The following AP2B1 variants were observed in gnomAD, a reference collection of about 807,000 sequenced individuals.
AP2B1 encodes the protein AP-2 complex subunit beta.
A neutral mutation model predicts 102.0 loss-of-function variants in AP2B1; 23 were observed. The ratio of observed to expected loss-of-function variants is 0.23; its 90% confidence interval spans 0.16 to 0.32. The LOEUF is 0.32. Among genes scored for constraint, AP2B1 ranks in the 10% least tolerant of loss-of-function variants. The probability of loss-of-function intolerance (pLI) is 1.00; values close to 1 mark genes in which losing one functional copy is unlikely to be tolerated. For missense variants in AP2B1, 541 were observed against 1,157.4 expected, an observed-to-expected ratio of 0.47 and a Z score of 7.73; for synonymous variants, 381 against 421.2, an observed-to-expected ratio of 0.90 and a Z score of 1.17.
chr17:35,696,413 C>CT (rs71366474), intron 18 of AP2B1, among the ~76,000 whole-genome samples: 63,893 of 131,270 alleles, frequency 0.49, 15,280 homozygotes, highest in Admixed American at 0.52. Context: ...GGAATAAGTT[C>CT]TTTTTTTTTT....
chr17:35,624,679 C>T (rs532913025), intron 6 of AP2B1, 92 bp downstream of exon 6: 1 of 1,234,822 alleles, frequency 8.1e-7, no homozygotes, highest in African/African-American at 1.5e-5. Context: ...TGAGGAAGGT[C>T]AGTGGCTTCT....
At chr17:35,678,408 G>A (rs1431417092) in intron 17 of AP2B1, among the ~76,000 whole-genome samples, 1 of 151,962 alleles carries the variant, frequency 6.6e-6, no homozygotes, top group East Asian at 1.9e-4. Context: ...GTACTAACAG[G>A]ACCTCCAGTA....
At chr17:35,646,675 G>A (rs1449843608) in intron 12 of AP2B1, among the ~76,000 whole-genome samples, 13 of 147,368 alleles carry the variant, frequency 8.8e-5, no homozygotes, top group Admixed American at 6.3e-4. Flanking sequence ...AGCCTCCTCC[G>A]CCTCCTGGGT....
chr17:35,594,794 T>A (rs886721425), intron 2 of AP2B1, among the ~76,000 whole-genome samples: 1 of 152,206 alleles, frequency 6.6e-6, no homozygotes, highest in Non-Finnish European at 1.5e-5. Context: ...ATATAATGCT[T>A]GTTTTTACCT....
chr17:35,705,577 A>G lies in AP2B1; in HGVS notation c.2455-3647A>G, dbSNP rs137939641. On this transcript the variant is annotated intron_variant, in intron 18 of 21. Transcript: ENST00000610402. ...TGCTCTGTTGCCCAGGCTGGAGTGC[A>G]GTGGTGCAATCTCAGCTCACTGCAG... 8.5e-3 allele frequency among the ~76,000 whole-genome samples: 1,287 copies of G among 152,130 alleles called. 11 individuals are homozygous for G. The highest frequency in any genetic ancestry group is 0.026 in the African/African-American group (1,064 of 41,466).
At chr17:35,682,664 AC>A (rs779015746) in intron 17 of AP2B1, 30 bp from the exon 18 acceptor site, 21 of 1,596,638 alleles carry the variant, frequency 1.3e-5, no homozygotes, top group Non-Finnish European at 1.6e-5. Context: ...CTCTTGATTA[AC>A]CTCTGTGATT....
intron 18 of AP2B1, among the ~76,000 whole-genome samples, chr17:35,699,515 A>G (rs1430108107): frequency 6.6e-6 from 1 of 152,204 alleles, no homozygotes; most frequent in Admixed American, 6.5e-5. Flanking sequence ...TATTGGGTGG[A>G]CTGAGAAAGA....
chr17:35,615,242 G>A lies in AP2B1; in HGVS notation c.525+6855G>A, dbSNP rs147325431. On this transcript the variant is annotated intron_variant, in intron 5 of 21. Transcript: ENST00000610402. Reference sequence around the variant, plus strand: ...AAGTTATTTAAAATGAACTTCAGTTGTCTTATATGTAAAACTGAGGTAATA... The same window carrying A: ...AAGTTATTTAAAATGAACTTCAGTTATCTTATATGTAAAACTGAGGTAATA... Among the ~76,000 whole-genome samples the A allele has an allele frequency of 2.2e-3, 338 of 152,318 alleles. 1 individual carries two copies. Among genetic ancestry groups the A allele is most frequent in the African/African-American group, 7.9e-3 (330 of 41,574 alleles).
intron 9 of AP2B1, among the ~76,000 whole-genome samples, chr17:35,629,995 T>A (rs1004928889): frequency 1.1e-4 from 16 of 152,232 alleles, no homozygotes; most frequent in African/African-American, 3.9e-4. Flanking sequence ...GCTACTTGAT[T>A]ATATGCAGTT....
At chr17:35,611,180 A>G (rs2073851826) in intron 5 of AP2B1, among the ~76,000 whole-genome samples, 1 of 152,198 alleles carries the variant, frequency 6.6e-6, no homozygotes, top group Non-Finnish European at 1.5e-5. Flanking sequence ...ATTCACTGTT[A>G]TTCTGAGCAA....
At chr17:35,684,530 T>C (rs2075890900) in intron 18 of AP2B1, among the ~76,000 whole-genome samples, 1 of 152,208 alleles carries the variant, frequency 6.6e-6, no homozygotes, top group African/African-American at 2.4e-5. Context: ...GTTGCCACAG[T>C]AGTTGACTGC....
intron 20 of AP2B1, among the ~76,000 whole-genome samples, chr17:35,715,909 G>A (rs1247357130): frequency 2.0e-5 from 3 of 152,206 alleles, no homozygotes; most frequent in Non-Finnish European, 4.4e-5. Flanking sequence ...TGAGCTGTCA[G>A]TGGTTTGAAT....
At chr17:35,637,189 T>G (rs956156364) in intron 10 of AP2B1, among the ~76,000 whole-genome samples, 2 of 152,166 alleles carry the variant, frequency 1.3e-5, no homozygotes, top group Admixed American at 6.5e-5. Flanking sequence ...TCATAGAGCT[T>G]CTGATTGTCT....
intron 18 of AP2B1, among the ~76,000 whole-genome samples, chr17:35,694,072 A>G (rs2076091604): frequency 6.6e-6 from 1 of 152,162 alleles, no homozygotes; most frequent in African/African-American, 2.4e-5. Flanking sequence ...AAAATCAGTT[A>G]TGTTCATTGA....
chr17:35,693,270 C>A lies in AP2B1; in HGVS notation c.2454+10446C>A, dbSNP rs587714190. Reference sequence around the variant, plus strand: ...CTCTTGACCTCAAGTAATCCGCCCACCTCGACCTCCCAGAGTGCTGGAATT... The same window carrying A: ...CTCTTGACCTCAAGTAATCCGCCCAACTCGACCTCCCAGAGTGCTGGAATT... On this transcript the variant is annotated intron_variant, in intron 18 of 21. Transcript: ENST00000610402. Among the ~76,000 whole-genome samples, 6 of 152,276 alleles carry A rather than the reference C, an allele frequency of 3.9e-5. No individual in the cohort carries two copies. The South Asian group carries it at 6.2e-4, about 16-fold the overall frequency.
rs143914744 is a variant in AP2B1, at chr17:35,606,547, T to G, written c.279+707T>G. ...AAGCCACCACTCCCGGCGTGATTAA[T>G]TTTTTTTAATGGAAAATTTTAAACA... On this transcript the variant is annotated intron_variant, in intron 4 of 21. Transcript: ENST00000610402. 2.1e-3 allele frequency among the ~76,000 whole-genome samples: 321 copies of G among 151,924 alleles called. 1 individual carries two copies. Among genetic ancestry groups the G allele is most frequent in the African/African-American group, 7.4e-3 (305 of 41,364 alleles).
At chr17:35,671,681 A>G (rs1489638953) in intron 15 of AP2B1, 73 bp from the exon 16 acceptor site, 1 of 1,449,962 alleles carries the variant, frequency 6.9e-7, no homozygotes, top group Non-Finnish European at 9.6e-7. Context: ...CTACTAAGAT[A>G]TATAGCAATA....
At chr17:35,640,044 G>A (rs761044230) in intron 11 of AP2B1, among the ~76,000 whole-genome samples, 6 of 151,880 alleles carry the variant, frequency 4.0e-5, no homozygotes, top group Non-Finnish European at 7.4e-5. Context: ...AGCCTCCCAA[G>A]TAGCTGGGAT....
intron 3 of AP2B1, among the ~76,000 whole-genome samples, chr17:35,605,215 T>C (rs2073629313): frequency 6.6e-6 from 1 of 151,758 alleles, no homozygotes; most frequent in African/African-American, 2.4e-5. Context: ...TACAGTTTCT[T>C]TTCTTTTCTT....
Sources: gnomAD v4.1 joint callset for allele counts (sites outside exome capture counted in the v4.1 genomes callset) on GRCh38, gnomAD v4.1.1 for gene constraint, MANE v1.5 for transcripts, NCBI Gene and HGNC (gene_info 2026-07-23, HGNC 2026-07-21) for gene names.